The following SLC35A1 variants were observed in gnomAD, a reference collection of about 807,000 sequenced individuals.
SLC35A1 encodes CMP-sialic acid transporter.
Under a neutral mutation model 40.3 loss-of-function variants are expected in SLC35A1, and 21 were observed. The ratio of observed to expected loss-of-function variants is 0.52; its 90% CI spans 0.37 to 0.75. SLC35A1 has a LOEUF of 0.75. SLC35A1 is among the 30% of genes least tolerant of loss of function. The pLI is 0.00. For synonymous variants in SLC35A1, 146 were observed against 147.3 expected (o/e 0.99, Z 0.06); for missense variants, 297 against 382.1 (o/e 0.78, Z 1.86).
At chr6:87,483,458 T>C (rs192581271) in intron 2 of SLC35A1, among the ~76,000 whole-genome samples, 4 of 151,418 alleles carry the variant, frequency 2.6e-5, no homozygotes, top group Non-Finnish European at 4.4e-5. Flanking sequence ...CTCACCTCAC[T>C]GAGGTTCAAT....
intron 2 of SLC35A1, among the ~76,000 whole-genome samples, chr6:87,483,005 T>G (rs1186889281): frequency 2.0e-5 from 3 of 152,214 alleles, no homozygotes; most frequent in African/African-American, 7.2e-5. Flanking sequence ...TCGTCAGTGA[T>G]CTCAGTGCTT....
At chr6:87,502,381 T>C (rs1358184512) in intron 4 of SLC35A1, among the ~76,000 whole-genome samples, 1 of 152,176 alleles carries the variant, frequency 6.6e-6, no homozygotes, top group African/African-American at 2.4e-5. Flanking sequence ...TAACAAAGAA[T>C]GTAAGTTCAG....
chr6:87,476,109 A>G (rs1769062141), intron 1 of SLC35A1, among the ~76,000 whole-genome samples: 1 of 152,206 alleles, frequency 6.6e-6, no homozygotes, highest in South Asian at 2.1e-4. Flanking sequence ...GGTCTTGGAC[A>G]GGCTCTGGTG....
chr6:87,508,107 A>C (rs1442567369), intron 5 of SLC35A1, among the ~76,000 whole-genome samples: 1 of 152,172 alleles, frequency 6.6e-6, no homozygotes, highest in Non-Finnish European at 1.5e-5. Context: ...GGCATTAAGT[A>C]GTACAGAGAG....
chr6:87,501,183 G>A lies in SLC35A1; in HGVS notation c.380G>A (p.Cys127Tyr). 1 of 1,613,822 alleles carries A rather than the reference G, an allele frequency of 6.2e-7. No individual in the cohort carries two copies. Among genetic ancestry groups the A allele is most frequent in the South Asian group, 1.1e-5 (1 of 91,058 alleles). ...GTGACCTACCAGTTGAAGATTCCGTGTACTGCTTTATGCACTGTTTTAATG... is the reference window on the plus strand; with the variant it reads ...GTGACCTACCAGTTGAAGATTCCGTATACTGCTTTATGCACTGTTTTAATG... ...YQVTYQLKIP[C>Y]TALCTVLMLN... Residue 127 changes from cysteine (C) to tyrosine (Y), a missense_variant, in exon 4 of 8, where the codon TGT becomes TAT. Physicochemically the swap from Cys to Tyr is radical, Grantham distance 194. Transcript: ENST00000369552.
chr6:87,500,390 T>G lies in SLC35A1; in HGVS notation c.195-118T>G, dbSNP rs1452622007. On this transcript the variant is annotated intron_variant, in intron 2 of 7. Transcript: ENST00000369552. ...TCTAAAACTAGTTAGAAATTATTAG[T>G]TTGCTAAATTACAGCAAGCATAGTA... The G allele has an allele frequency of 4.2e-6, 4 of 952,950 alleles. No homozygotes were observed. The African/African-American group carries it at 6.6e-5, about 16-fold the overall frequency. The allele number at this position is 952,950 out of a possible 1,614,324, so 59.0% of individuals were successfully genotyped here.
At chr6:87,503,666 C>CG (rs535527326) in intron 4 of SLC35A1, among the ~76,000 whole-genome samples, 300 of 152,190 alleles carry the variant, frequency 2.0e-3, no homozygotes, top group African/African-American at 7.0e-3. Context: ...GAGCCGAGAT[C>CG]GCGCCACTGC....
chr6:87,478,981 T>C (rs1423205840), intron 2 of SLC35A1, among the ~76,000 whole-genome samples: 1 of 152,136 alleles, frequency 6.6e-6, no homozygotes, highest in Non-Finnish European at 1.5e-5. Context: ...CTAATTCCAG[T>C]TGGCTAATTT....
intron 4 of SLC35A1, among the ~76,000 whole-genome samples, chr6:87,503,083 T>C (rs889524210): frequency 2.0e-5 from 3 of 152,244 alleles, no homozygotes; most frequent in African/African-American, 7.2e-5. Flanking sequence ...ATATGCCTTC[T>C]GGGTCTTTAA....
intron 2 of SLC35A1, among the ~76,000 whole-genome samples, chr6:87,495,252 G>A (rs1023706562): frequency 3.9e-5 from 6 of 152,298 alleles, no homozygotes; most frequent in African/African-American, 1.4e-4. Context: ...GAGCCGCTGC[G>A]CCAGCTCAAA....
chr6:87,508,055 T>G (rs1210776646), intron 5 of SLC35A1, among the ~76,000 whole-genome samples: 2 of 152,170 alleles, frequency 1.3e-5, no homozygotes, highest in African/African-American at 4.8e-5. Flanking sequence ...GATAATTCAC[T>G]CTTAATGTAG....
chr6:87,506,533 T>C, intron 5 of SLC35A1, 85 bp downstream of exon 5: 1 of 1,101,498 alleles, frequency 9.1e-7, no homozygotes, highest in Non-Finnish European at 1.4e-6. Context: ...TTATCTTGCT[T>C]TCTCAGTTTT....
intron 7 of SLC35A1, among the ~76,000 whole-genome samples, chr6:87,511,138 T>C (rs189885979): frequency 6.6e-6 from 1 of 152,246 alleles, no homozygotes; most frequent in East Asian, 1.9e-4. Context: ...GTCAGAGTGG[T>C]CAGATAGTGT....
At chr6:87,478,800 T>G (rs1769159321) in intron 2 of SLC35A1, among the ~76,000 whole-genome samples, 1 of 152,256 alleles carries the variant, frequency 6.6e-6, no homozygotes, top group Non-Finnish European at 1.5e-5. Flanking sequence ...ATTTTCTTTT[T>G]TTCTTCTCAG....
At chr6:87,500,743 T>A in intron 3 of SLC35A1, 76 bp downstream of exon 3, 2 of 1,446,710 alleles carry the variant, frequency 1.4e-6, no homozygotes, top group Non-Finnish European at 1.9e-6. Context: ...CTTTATCATA[T>A]TATCAATTTT....
At position 87,472,992 on chromosome 6, in the gene SLC35A1, T is replaced by C. The variant is rs1243417760; in HGVS notation, c.-12T>C. The stretch of plus-strand genomic sequence containing the variant: ...GGCGGGCGTCAGTTCCGCGGGGGGC[T>C]GTCGGGGAACCATGGCTGCCCCGAG... On this transcript the variant is annotated 5_prime_UTR_variant, in exon 1 of 8. Coordinates refer to ENST00000369552, the MANE Select transcript of SLC35A1 (RefSeq NM_006416.5). 1.5e-6 allele frequency: 1 copy of C among 668,806 alleles called. No homozygotes were observed. The highest frequency in any genetic ancestry group is 2.3e-6 in the Non-Finnish European group (1 of 436,766). The allele number at this position is 668,806 out of a possible 1,614,324, so 41.4% of individuals were successfully genotyped here. A position where few individuals can be genotyped will look rare whatever the true frequency, so the allele number is the denominator to read the frequency against.
intron 5 of SLC35A1, among the ~76,000 whole-genome samples, 171 bp downstream of exon 5, chr6:87,506,619 T>C (rs1170833295): frequency 3.3e-5 from 5 of 152,240 alleles, no homozygotes; most frequent in African/African-American, 1.2e-4. Flanking sequence ...TATAGCATTG[T>C]TCAACTAAGT....
intron 1 of SLC35A1, 144 bp downstream of exon 1, chr6:87,473,163 T>TCA: frequency 2.5e-6 from 1 of 394,486 alleles, no homozygotes. Flanking sequence ...GGAGTTTGCG[T>TCA]GGAGCCGCTC....
chr6:87,495,380 C>T (rs1217346849), intron 2 of SLC35A1, among the ~76,000 whole-genome samples: 2 of 152,208 alleles, frequency 1.3e-5, no homozygotes, highest in African/African-American at 4.8e-5. Context: ...TATATCTTAA[C>T]TTTGAACTAC....
Sources: gnomAD v4.1 joint callset for allele counts (sites outside exome capture counted in the v4.1 genomes callset) on GRCh38, gnomAD v4.1.1 for gene constraint, MANE v1.5 for transcripts, NCBI Gene and HGNC (gene_info 2026-07-23, HGNC 2026-07-21) for gene names.